The following GRIN2B variants were observed in gnomAD, a reference collection of about 807,000 sequenced individuals.
GRIN2B encodes the protein glutamate ionotropic receptor NMDA type subunit 2B, also known as glutamate receptor ionotropic, NMDA 2B.
Under a neutral mutation model 114.5 loss-of-function variants are expected in GRIN2B, and 5 were observed. That is an observed-to-expected ratio of 0.04 (90% CI 0.02 to 0.09). The LOEUF (loss-of-function observed/expected upper bound fraction) is 0.09. GRIN2B is among the 10% of genes least tolerant of loss of function. The pLI is 1.00. For synonymous variants in GRIN2B, 787 were observed against 745.1 expected (o/e 1.06, Z -0.92); for missense variants, 1,108 against 1,943.5 (o/e 0.57, Z 8.08).
chr12:13,676,719 T>C (rs769730331), intron 4 of GRIN2B, among the ~76,000 whole-genome samples: 12 of 152,156 alleles, frequency 7.9e-5, no homozygotes, highest in African/African-American at 1.4e-4. Context: ...GATATGCACA[T>C]ACTCTTTAAC....
chr12:13,725,289 G>A (rs188227333), intron 4 of GRIN2B, among the ~76,000 whole-genome samples: 31 of 152,240 alleles, frequency 2.0e-4, no homozygotes, highest in Non-Finnish European at 1.9e-4. Context: ...AAAGAAGAAT[G>A]AGAGGAAAGA....
At chr12:13,901,215 C>T (rs1866446484) in intron 2 of GRIN2B, among the ~76,000 whole-genome samples, 1 of 152,080 alleles carries the variant, frequency 6.6e-6, no homozygotes, top group Admixed American at 6.6e-5. Flanking sequence ...TTTTCATTTG[C>T]ATTCCTTTGC....
chr12:13,611,688 A>G, intron 9 of GRIN2B, 37 bp downstream of exon 9: 1 of 1,608,044 alleles, frequency 6.2e-7, no homozygotes, highest in Non-Finnish European at 8.5e-7. Context: ...TAAGGAGAAA[A>G]AAACTGGGGA....
At chr12:13,872,927 T>TTTTCTATCA (rs1865934412) in intron 2 of GRIN2B, among the ~76,000 whole-genome samples, 1 of 152,178 alleles carries the variant, frequency 6.6e-6, no homozygotes, top group Admixed American at 6.5e-5. Flanking sequence ...TTAAGTTCTA[T>TTTTCTATCA]TTTCTATCAT....
chr12:13,865,417 AG>A (rs1437956705), intron 3 of GRIN2B, among the ~76,000 whole-genome samples: 1 of 152,134 alleles, frequency 6.6e-6, no homozygotes, highest in Non-Finnish European at 1.5e-5. Flanking sequence ...GGATCACCTG[AG>A]GTAAGGAGTT....
intron 3 of GRIN2B, among the ~76,000 whole-genome samples, chr12:13,816,095 C>T (rs1286153172): frequency 6.6e-6 from 1 of 152,168 alleles, no homozygotes; most frequent in African/African-American, 2.4e-5. Flanking sequence ...GACCTTTCAT[C>T]TGGTCCACAT....
At chr12:13,757,215 A>G (rs1283603387) in intron 3 of GRIN2B, among the ~76,000 whole-genome samples, 1 of 152,226 alleles carries the variant, frequency 6.6e-6, no homozygotes, top group Non-Finnish European at 1.5e-5. Flanking sequence ...GAAACAGAAT[A>G]ATAGCTTGGG....
intron 2 of GRIN2B, among the ~76,000 whole-genome samples, chr12:13,868,880 A>G (rs181087708): frequency 4.4e-4 from 67 of 152,356 alleles, no homozygotes; most frequent in African/African-American, 1.5e-3. Context: ...GCTGTGAGAC[A>G]AAGAGGCTAC....
rs1048791634 is a variant in GRIN2B at position 13,556,164 on chromosome 12, G to C, written c.*6619C>G. On this transcript the variant is annotated 3_prime_UTR_variant, in exon 14 of 14. Coordinates refer to ENST00000609686, the MANE Select transcript of GRIN2B (RefSeq NM_000834.5). ...AATCCCAGAGTTTTAGCTCTGGGAG[G>C]TGTAATAATTTCAAAAGAATAAGTC... The C allele has an allele frequency of 1.3e-5, 2 of 152,128 alleles. No homozygotes were observed. The highest frequency in any genetic ancestry group is 2.9e-5 in the Non-Finnish European group (2 of 68,008). 9.4% of individuals were successfully genotyped at this position (152,128 alleles called of 1,614,324 possible).
At chr12:13,764,521 A>C (rs1863741821) in intron 3 of GRIN2B, among the ~76,000 whole-genome samples, 1 of 152,330 alleles carries the variant, frequency 6.6e-6, no homozygotes, top group South Asian at 2.1e-4. Context: ...TGCTGTTGCT[A>C]TCTCAACTTG....
intron 5 of GRIN2B, among the ~76,000 whole-genome samples, chr12:13,652,009 T>C (rs923513780): frequency 6.6e-6 from 1 of 152,090 alleles, no homozygotes; most frequent in African/African-American, 2.4e-5. Flanking sequence ...GCACTAGGAA[T>C]CTAGAGACTA....
chr12:13,695,552 T>C (rs894444068), intron 4 of GRIN2B, among the ~76,000 whole-genome samples: 5 of 150,844 alleles, frequency 3.3e-5, no homozygotes, highest in Admixed American at 1.3e-4. Flanking sequence ...CAAAGAAGAG[T>C]ATGGGAATGA....
intron 4 of GRIN2B, among the ~76,000 whole-genome samples, chr12:13,727,364 CTTGAA>C (rs1863009082): frequency 1.3e-5 from 2 of 152,092 alleles, no homozygotes; most frequent in African/African-American, 4.8e-5. Flanking sequence ...CCCATGAGTT[CTTGAA>C]TTGATCTGAA....
chr12:13,664,313 G>A (rs1291243430), intron 5 of GRIN2B, among the ~76,000 whole-genome samples: 1 of 152,118 alleles, frequency 6.6e-6, no homozygotes, highest in African/African-American at 2.4e-5. Flanking sequence ...TGATTTTGGG[G>A]CTGGGGTGGG....
intron 3 of GRIN2B, among the ~76,000 whole-genome samples, chr12:13,774,056 C>T (rs982608960): frequency 1.3e-5 from 2 of 152,178 alleles, no homozygotes; most frequent in African/African-American, 4.8e-5. Flanking sequence ...CAGGCTGACC[C>T]ATGGCCTGAG....
chr12:13,883,174 G>A (rs748886598), intron 2 of GRIN2B, among the ~76,000 whole-genome samples: 8 of 152,128 alleles, frequency 5.3e-5, no homozygotes, highest in Non-Finnish European at 1.2e-4. Context: ...ACATTAAGGG[G>A]TGTTACCACT....
At chr12:13,807,180 C>T (rs997393097) in intron 3 of GRIN2B, among the ~76,000 whole-genome samples, 2 of 152,076 alleles carry the variant, frequency 1.3e-5, no homozygotes, top group African/African-American at 4.8e-5. Context: ...TTTGAGAATG[C>T]TTTATGAAAA....
rs1214802034 is a variant in GRIN2B at position 13,538,846 on chromosome 12, AAAAC to A, written c.*23933_*23936del. 1 of 151,716 alleles carries A rather than the reference AAAAC, an allele frequency of 6.6e-6. No individual in the cohort carries two copies. The highest frequency in any genetic ancestry group is 1.9e-4 in the East Asian group (1 of 5,196). The allele number at this position is 151,716 out of a possible 1,614,324, so 9.4% of individuals were successfully genotyped here. On this transcript the variant is annotated 3_prime_UTR_variant, in exon 14 of 14. Coordinates refer to ENST00000609686, the MANE Select transcript of GRIN2B (RefSeq NM_000834.5). ...AACAAACAAAAAAAAAACAAACAAA[AAAAC>A]AAAAACAACAGAAAAATCAGAGCCA...
rs1175287627 is a variant in GRIN2B at position 13,562,021 on chromosome 12, A to C, written c.*762T>G. 6.6e-6 allele frequency: 1 copy of C among 152,648 alleles called. No homozygotes were observed. Among genetic ancestry groups the C allele is most frequent in the African/African-American group, 2.4e-5 (1 of 41,468 alleles). The allele number at this position is 152,648 out of a possible 1,614,324, so 9.5% of individuals were successfully genotyped here. On this transcript the variant is annotated 3_prime_UTR_variant, in exon 14 of 14. Coordinates refer to ENST00000609686, the MANE Select transcript of GRIN2B (RefSeq NM_000834.5). Reference sequence around the variant, plus strand: ...GCCTTCTCTTGAGGCACCTGACTACACATGGGTGCAAGTGTGCATGAACAC... The same window carrying C: ...GCCTTCTCTTGAGGCACCTGACTACCCATGGGTGCAAGTGTGCATGAACAC...
Sources: gnomAD v4.1 joint callset for allele counts (sites outside exome capture counted in the v4.1 genomes callset) on GRCh38, gnomAD v4.1.1 for gene constraint, MANE v1.5 for transcripts, NCBI Gene and HGNC (gene_info 2026-07-23, HGNC 2026-07-21) for gene names.